Variants in ST6GALNAC2 observed in about 807,000 individuals in gnomAD.
ST6GALNAC2 encodes alpha-N-acetylgalactosaminide alpha-2,6-sialyltransferase 2.
ST6GALNAC2 carries 42 observed loss-of-function variants against 38.7 expected under a neutral mutation model. That is an observed-to-expected ratio of 1.09 (90% confidence interval 0.85 to 1.40). ST6GALNAC2 has a LOEUF of 1.40. Among genes scored for constraint, ST6GALNAC2 ranks in the 40% most tolerant of loss-of-function variants. The probability of loss-of-function intolerance (pLI) is 0.00; values close to 1 mark genes in which losing one functional copy is unlikely to be tolerated. For missense variants in ST6GALNAC2, 506 were observed against 481.7 expected (o/e 1.05, Z -0.47); for synonymous variants, 233 against 209.0 (o/e 1.11, Z -0.99).
intron 1 of ST6GALNAC2, among the ~76,000 whole-genome samples, chr17:76,580,546 A>T (rs939472188): frequency 2.6e-5 from 4 of 151,918 alleles, no homozygotes; most frequent in African/African-American, 9.7e-5. Flanking sequence ...ATACAAAAAA[A>T]TTAGCCAGGT....
chr17:76,570,389 A>C (rs2075339576), intron 6 of ST6GALNAC2, 176 bp downstream of exon 6: 1 of 588,138 alleles, frequency 1.7e-6, no homozygotes, highest in Non-Finnish European at 3.0e-6. Context: ...CAAAAAGTAG[A>C]ATTTCCCAGT....
rs866029342 is a variant in ST6GALNAC2 at position 76,578,206 on chromosome 17, G to A, written c.186+550C>T. ...CAGGACTACCTCTTACTACCTAAGC[G>A]GGGTACTTAACTTCTTGGTGCCTCA... On this transcript the variant is annotated intron_variant, in intron 2 of 8. Coordinates refer to ENST00000225276, the MANE Select transcript of ST6GALNAC2 (RefSeq NM_006456.3). Among the ~76,000 whole-genome samples the A allele has an allele frequency of 4.6e-5, 7 of 152,106 alleles. No individual in the cohort carries two copies. The South Asian group carries it at 6.2e-4, about 14-fold the overall frequency.
chr17:76,572,914 T>C (rs1567929589), intron 4 of ST6GALNAC2, 139 bp from the exon 5 acceptor site: 3 of 1,108,052 alleles, frequency 2.7e-6, no homozygotes, highest in East Asian at 2.4e-5. Context: ...CAGTGCCCAG[T>C]TGTCAACCAG....
intron 8 of ST6GALNAC2, among the ~76,000 whole-genome samples, 157 bp from the exon 9 acceptor site, chr17:76,566,428 G>T (rs1330208516): frequency 6.6e-6 from 1 of 152,112 alleles, no homozygotes; most frequent in Non-Finnish European, 1.5e-5. Flanking sequence ...GATGGATTCA[G>T]GGGTGACTCA....
chr17:76,578,843 G>T lies in ST6GALNAC2; in HGVS notation c.126-27C>A, dbSNP rs754351738. ...TGGGGGAAAAAGCAGAAAAAAGCAG[G>T]GGTCAGCAGCTCTGACCTACCCCTT... On this transcript the variant is annotated intron_variant, in intron 1 of 8. Transcript: ENST00000225276. The T allele has an allele frequency of 2.5e-6, 4 of 1,609,650 alleles. No individual in the cohort carries two copies. In the African/African-American group the frequency reaches 5.3e-5, roughly 22 times the overall value.
intron 2 of ST6GALNAC2, among the ~76,000 whole-genome samples, chr17:76,576,892 C>T (rs1360188071): frequency 6.7e-6 from 1 of 149,796 alleles, no homozygotes; most frequent in Admixed American, 6.7e-5. Flanking sequence ...ATTGCTTGAA[C>T]GTGGGAGGCG....
chr17:76,576,296 C>T (rs917642142), intron 2 of ST6GALNAC2, among the ~76,000 whole-genome samples: 2 of 152,084 alleles, frequency 1.3e-5, no homozygotes, highest in Non-Finnish European at 2.9e-5. Context: ...CCTATGAGAA[C>T]ATGGGATGAG....
chr17:76,585,339 A>G (rs532735762), intron 1 of ST6GALNAC2, among the ~76,000 whole-genome samples: 1 of 152,372 alleles, frequency 6.6e-6, no homozygotes, highest in South Asian at 2.1e-4. Context: ...GGAAGTTTTT[A>G]TCTGCTTCGG....
At chr17:76,579,271 A>C (rs1169150344) in intron 1 of ST6GALNAC2, among the ~76,000 whole-genome samples, 1 of 152,224 alleles carries the variant, frequency 6.6e-6, no homozygotes, top group African/African-American at 2.4e-5. Context: ...GGATACTGTC[A>C]CTTTCTTATG....
Position 76,565,932 on chromosome 17 carries a change from G to A in ST6GALNAC2, c.*172C>T, listed in dbSNP as rs930154021. On this transcript the variant is annotated 3_prime_UTR_variant, in exon 9 of 9. Transcript: ENST00000225276. ...ACAGAAGAGTTCTTGGATGAGCCAA[G>A]GACAAGCTGGGGTGTCCTATATTGA... 7.9e-6 allele frequency: 5 copies of A among 636,104 alleles called. No individual in the cohort carries two copies. The highest frequency in any genetic ancestry group is 3.1e-5 in the Admixed American group (1 of 31,790). The allele number at this position is 636,104 out of a possible 1,614,324, so 39.4% of individuals were successfully genotyped here. A position where few individuals can be genotyped will look rare whatever the true frequency, so the allele number is the denominator to read the frequency against.
chr17:76,570,845 A>C, intron 5 of ST6GALNAC2, 177 bp from the exon 6 acceptor site: 2 of 584,576 alleles, frequency 3.4e-6, no homozygotes, highest in East Asian at 2.9e-5. Context: ...AAATCCTCTA[A>C]TGCTCCTTCA....
chr17:76,574,226 G>T, intron 3 of ST6GALNAC2, 139 bp downstream of exon 3: 2 of 1,014,326 alleles, frequency 2.0e-6, no homozygotes, highest in East Asian at 2.6e-5. Context: ...TTGCATAGCT[G>T]GGGCTTCTGG....
rs1354335237 is a variant in ST6GALNAC2, at chr17:76,568,907, A to G, written c.774-111T>C. 4.9e-6 allele frequency: 5 copies of G among 1,011,660 alleles called. No homozygotes were observed. The Admixed American group carries it at 9.6e-5, about 19-fold the overall frequency. 62.7% of individuals were successfully genotyped at this position (1,011,660 alleles called of 1,614,324 possible). ...TAGCCGCGGTACCCTGAGCGGTAGG[A>G]GCGGGGCTGGGAGTAGTAGCGGGAG... On this transcript the variant is annotated intron_variant, in intron 6 of 8. Transcript: ENST00000225276.
At chr17:76,567,883 A>C (rs1047682801) in intron 7 of ST6GALNAC2, 1 of 293,752 alleles carries the variant, frequency 3.4e-6, no homozygotes, top group East Asian at 8.7e-5. Context: ...CATCTTGATT[A>C]AGTAGGAATC....
At chr17:76,582,572 AAAC>A (rs970986186) in intron 1 of ST6GALNAC2, among the ~76,000 whole-genome samples, 9 of 152,264 alleles carry the variant, frequency 5.9e-5, no homozygotes, top group Middle Eastern at 3.4e-3. Flanking sequence ...CTCTCCTATT[AAAC>A]AACAACAACA....
chr17:76,570,527 T>A, intron 6 of ST6GALNAC2, 38 bp downstream of exon 6: 1 of 1,475,340 alleles, frequency 6.8e-7, no homozygotes, highest in Non-Finnish European at 9.4e-7. Flanking sequence ...CCCTTGCCCC[T>A]CTGCCACGCC....
At position 76,584,926 on chromosome 17, in the gene ST6GALNAC2, G is replaced by A. The variant is rs76240745; in HGVS notation, c.125+758C>T. Reference sequence around the variant, plus strand: ...TTGGTCCGCCTTTCTTAAGCTAAGCGAAATCGTTTTGCGGCTTCTTCAGTC... The same window carrying A: ...TTGGTCCGCCTTTCTTAAGCTAAGCAAAATCGTTTTGCGGCTTCTTCAGTC... On this transcript the variant is annotated intron_variant, in intron 1 of 8. Coordinates refer to ENST00000225276, the MANE Select transcript of ST6GALNAC2 (RefSeq NM_006456.3). Among the ~76,000 whole-genome samples the A allele has an allele frequency of 7.0e-3, 1,065 of 152,312 alleles. 31 individuals carry two copies. Among genetic ancestry groups the A allele is most frequent in the East Asian group, 0.051 (263 of 5,172 alleles).
chr17:76,573,315 A>G lies in ST6GALNAC2; in HGVS notation c.410T>C (p.Leu137Pro). ...SLLNGSESAK[L>P]FAPPRDTPPK... ...AGGGGTGTCCCTGGGCGGGGCAAACAGCTTGGCACTCTCTGAGCCGTTCAG... is the reference window on the plus strand; with the variant it reads ...AGGGGTGTCCCTGGGCGGGGCAAACGGCTTGGCACTCTCTGAGCCGTTCAG... Residue 137 changes from leucine to proline, a missense_variant, in exon 4 of 9, where the codon CTG becomes CCG. Coordinates refer to ENST00000225276, the MANE Select transcript of ST6GALNAC2 (RefSeq NM_006456.3). The surrounding 1 kb of genome is among the most constrained non-coding windows in gnomAD (Gnocchi z 5.1). 6.3e-7 allele frequency: 1 copy of G among 1,588,094 alleles called. No homozygotes were observed. The highest frequency in any genetic ancestry group is 8.6e-7 in the Non-Finnish European group (1 of 1,166,858).
At position 76,585,817 on chromosome 17, in the gene ST6GALNAC2, G is replaced by A. The variant is rs892786028; in HGVS notation, c.-9C>T. 1.3e-6 allele frequency: 2 copies of A among 1,534,274 alleles called. No homozygotes were observed. Among genetic ancestry groups the A allele is most frequent in the African/African-American group, 1.4e-5 (1 of 70,214 alleles). On this transcript the variant is annotated 5_prime_UTR_variant, in exon 1 of 9. Coordinates refer to ENST00000225276, the MANE Select transcript of ST6GALNAC2 (RefSeq NM_006456.3). ...CCGCGCGGGAGCCCCATACAGCCCCGGCCCGCGAGCGCCCCGTCCGCTGAC... is the reference window on the plus strand; with the variant it reads ...CCGCGCGGGAGCCCCATACAGCCCCAGCCCGCGAGCGCCCCGTCCGCTGAC...
Sources: gnomAD v4.1 joint callset for allele counts (sites outside exome capture counted in the v4.1 genomes callset) on GRCh38, gnomAD v4.1.1 for gene constraint, Gnocchi (gnomAD v3.1) non-coding constraint, MANE v1.5 for transcripts, NCBI Gene and HGNC (gene_info 2026-07-23, HGNC 2026-07-21) for gene names.